The following SLC2A2 variants were observed in gnomAD, a reference collection of about 807,000 sequenced individuals.
The protein encoded by SLC2A2 is solute carrier family 2, facilitated glucose transporter member 2.
Under a neutral mutation model 54.5 loss-of-function variants are expected in SLC2A2, and 36 were observed. The observed-to-expected ratio is 0.66, with a 90% confidence interval of 0.51 to 0.87. The LOEUF is 0.87. Among genes scored for constraint, SLC2A2 ranks in the 40% least tolerant of loss-of-function variants. The pLI, the probability that SLC2A2 is intolerant of heterozygous loss-of-function variation, is 0.00. For missense variants in SLC2A2, 543 were observed against 624.3 expected (o/e 0.87, Z 1.39); for synonymous variants, 223 against 219.1 (o/e 1.02, Z -0.16).
At chr3:171,022,459 T>C (rs1378842622) in intron 1 of SLC2A2, among the ~76,000 whole-genome samples, 1 of 152,202 alleles carries the variant, frequency 6.6e-6, no homozygotes, top group East Asian at 1.9e-4. Context: ...CACTTACCAG[T>C]AGAAACTTTT....
At chr3:171,023,126 C>A (rs1437391808) in intron 1 of SLC2A2, among the ~76,000 whole-genome samples, 2 of 152,172 alleles carry the variant, frequency 1.3e-5, no homozygotes, top group African/African-American at 4.8e-5. Context: ...TTCCTGGTTT[C>A]TTTTTGAGGG....
rs777740323 is a variant in SLC2A2, at chr3:171,002,721, T to A, written c.964-41A>T. The A allele has an allele frequency of 4.6e-6, 5 of 1,095,162 alleles. No homozygotes were observed. In the African/African-American group the frequency reaches 7.8e-5, roughly 17 times the overall value. The allele number at this position is 1,095,162 out of a possible 1,614,324, so 67.8% of individuals were successfully genotyped here. A position where few individuals can be genotyped will look rare whatever the true frequency, so the allele number is the denominator to read the frequency against. On this transcript the variant is annotated intron_variant, in intron 7 of 10. Transcript: ENST00000314251. ...AGGTTAGCCTTAATCTTAAGAAGTC[T>A]GGCACTGATATCTTTAAAGCAAGAA...
At chr3:171,008,099 T>C (rs1715695504) in intron 4 of SLC2A2, among the ~76,000 whole-genome samples, 1 of 152,140 alleles carries the variant, frequency 6.6e-6, no homozygotes, top group South Asian at 2.1e-4. Context: ...AATTAAATGT[T>C]TGGCATTTTC....
chr3:171,026,594 G>A (rs1716713037), intron 1 of SLC2A2, 62 bp downstream of exon 1: 2 of 1,409,576 alleles, frequency 1.4e-6, no homozygotes, highest in Non-Finnish European at 2.0e-6. Flanking sequence ...TGTATGACTT[G>A]ACTGTATTCC....
At chr3:171,015,099 C>G (rs75701958) in intron 2 of SLC2A2, among the ~76,000 whole-genome samples, 2 of 152,148 alleles carry the variant, frequency 1.3e-5, no homozygotes, top group Non-Finnish European at 2.9e-5. Flanking sequence ...AACTTTTTAA[C>G]AGAAAGTCAG....
intron 6 of SLC2A2, 114 bp downstream of exon 6, chr3:171,005,829 G>A (rs538889902): frequency 1.6e-5 from 17 of 1,093,930 alleles, no homozygotes; most frequent in African/African-American, 4.7e-5. Flanking sequence ...ATATAAAAGC[G>A]ATTTTGCACA....
chr3:170,996,968 CCTTTA>C lies in SLC2A2; in HGVS notation c.*930_*934del, dbSNP rs140350942. 8.4e-3 allele frequency: 2,123 copies of C among 252,208 alleles called. 49 individuals are homozygous for C. Among genetic ancestry groups the C allele is most frequent in the African/African-American group, 0.044 (1,975 of 45,024 alleles). The allele number at this position is 252,208 out of a possible 1,614,324, so 15.6% of individuals were successfully genotyped here. A position where few individuals can be genotyped will look rare whatever the true frequency, so the allele number is the denominator to read the frequency against. On this transcript the variant is annotated 3_prime_UTR_variant, in exon 11 of 11. Coordinates refer to ENST00000314251, the MANE Select transcript of SLC2A2 (RefSeq NM_000340.2). ...AAATATTTTTAACAAAGTGATCAAT[CCTTTA>C]CTTCAAATTTTCTTACATTAGATTT...
At chr3:171,001,480 T>C (rs1010074872) in intron 8 of SLC2A2, among the ~76,000 whole-genome samples, 7 of 152,000 alleles carry the variant, frequency 4.6e-5, no homozygotes, top group African/African-American at 1.4e-4. Context: ...TTTAATGTGG[T>C]CTGGACAAAC....
chr3:171,000,548 C>T (rs183334363), intron 8 of SLC2A2, among the ~76,000 whole-genome samples: 3 of 148,670 alleles, frequency 2.0e-5, no homozygotes, highest in East Asian at 3.9e-4. Context: ...CAGGGCCTCA[C>T]GCAAATCCTG....
At chr3:171,023,674 G>T (rs190023625) in intron 1 of SLC2A2, among the ~76,000 whole-genome samples, 167 of 152,316 alleles carry the variant, frequency 1.1e-3, no homozygotes, top group South Asian at 3.9e-3. Context: ...TGAGGTTCTA[G>T]ATGGTTTGCC....
intron 3 of SLC2A2, among the ~76,000 whole-genome samples, chr3:171,013,501 T>C (rs1470955574): frequency 6.6e-6 from 1 of 152,096 alleles, no homozygotes; most frequent in Non-Finnish European, 1.5e-5. Context: ...TATAGTCATA[T>C]TATATAAAAG....
At chr3:171,024,140 A>G (rs550532288) in intron 1 of SLC2A2, among the ~76,000 whole-genome samples, 3 of 152,334 alleles carry the variant, frequency 2.0e-5, no homozygotes, top group Admixed American at 1.3e-4. Flanking sequence ...TAAAATGGGT[A>G]TAAAACTAGT....
intron 2 of SLC2A2, among the ~76,000 whole-genome samples, chr3:171,016,016 A>T (rs1050436194): frequency 3.0e-4 from 46 of 151,992 alleles, no homozygotes; most frequent in Non-Finnish European, 8.8e-5. Flanking sequence ...CTGGGAGGGT[A>T]CTCTCTGAAA....
chr3:171,020,572 T>C (rs1716410372), intron 1 of SLC2A2, among the ~76,000 whole-genome samples: 1 of 152,176 alleles, frequency 6.6e-6, no homozygotes, highest in South Asian at 2.1e-4. Context: ...ATATATAATA[T>C]TGCATAATAT....
chr3:171,005,235 T>C (rs1715536210), intron 7 of SLC2A2, 50 bp downstream of exon 7: 1 of 1,503,922 alleles, frequency 6.6e-7, no homozygotes, highest in South Asian at 1.1e-5. Context: ...TTGCCTTCCC[T>C]ATTTTAATTC....
intron 1 of SLC2A2, among the ~76,000 whole-genome samples, chr3:171,022,939 T>G (rs1005318152): frequency 2.0e-5 from 3 of 152,204 alleles, no homozygotes; most frequent in Non-Finnish European, 4.4e-5. Flanking sequence ...AGATGCTGGA[T>G]CTCCCATCCT....
chr3:171,024,801 AT>A (rs1193566073), intron 1 of SLC2A2, among the ~76,000 whole-genome samples: 3 of 152,182 alleles, frequency 2.0e-5, no homozygotes, highest in Non-Finnish European at 4.4e-5. Flanking sequence ...TTCCTTGCTT[AT>A]CCTACTTCTT....
chr3:171,014,852 A>G, intron 2 of SLC2A2, 121 bp from the exon 3 acceptor site: 1 of 754,104 alleles, frequency 1.3e-6, no homozygotes, highest in Non-Finnish European at 2.2e-6. Flanking sequence ...TTATATACAT[A>G]TAAACATGGA....
intron 9 of SLC2A2, 85 bp from the exon 10 acceptor site, chr3:170,998,481 CGGCA>C: frequency 1.0e-6 from 1 of 997,690 alleles, no homozygotes; most frequent in Non-Finnish European, 1.6e-6. Context: ...AGTTCACAGG[CGGCA>C]TACAACTTTT....
Sources: gnomAD v4.1 joint callset for allele counts (sites outside exome capture counted in the v4.1 genomes callset) on GRCh38, gnomAD v4.1.1 for gene constraint, MANE v1.5 for transcripts, NCBI Gene and HGNC (gene_info 2026-07-23, HGNC 2026-07-21) for gene names.